GBE1: variants seen among roughly 807,000 people sequenced by gnomAD.
GBE1 encodes the protein 1,4-alpha-glucan branching enzyme 1.
Under a neutral mutation model 88.8 loss-of-function variants are expected in GBE1, and 70 were observed. The ratio of observed to expected loss-of-function variants is 0.79; its 90% confidence interval spans 0.65 to 0.96. The LOEUF (loss-of-function observed/expected upper bound fraction) is 0.96. GBE1 is among the 40% of genes least tolerant of loss of function. GBE1 has a pLI of 0.00. For synonymous variants in GBE1, 284 were observed against 300.1 expected (o/e 0.95, Z 0.56); for missense variants, 872 against 871.0 (o/e 1.00, Z -0.01).
intron 2 of GBE1, among the ~76,000 whole-genome samples, chr3:81,700,265 T>A (rs1178066649): frequency 6.6e-6 from 1 of 152,140 alleles, no homozygotes; most frequent in Non-Finnish European, 1.5e-5. Context: ...AAGAAGCTGG[T>A]ATCAGAATTA....
chr3:81,562,619 C>T (rs1235491796), intron 12 of GBE1, among the ~76,000 whole-genome samples: 3 of 151,942 alleles, frequency 2.0e-5, no homozygotes, highest in Non-Finnish European at 2.9e-5. Context: ...CAGTGCACTG[C>T]CTTGCTCTGA....
chr3:81,581,173 G>A lies in GBE1; in HGVS notation c.1438C>T (p.His480Tyr). 6.3e-7 allele frequency: 1 copy of A among 1,594,744 alleles called. No individual in the cohort carries two copies. The highest frequency in any genetic ancestry group is 1.1e-5 in the South Asian group (1 of 89,380). ...TGCACATATTCATTTACCTGATCAT[G>A]GCTCTCTGCATAAGCAATGCACTTT... ...LEKCIAYAES[H>Y]DQALVGDKSL... is the part of the protein sequence containing the mutation. Residue 480 changes from histidine to tyrosine, a missense_variant, in exon 11 of 16, where the codon CAT becomes TAT. Transcript: ENST00000429644.
chr3:81,615,610 C>G (rs1462838621), intron 7 of GBE1, among the ~76,000 whole-genome samples: 1 of 152,188 alleles, frequency 6.6e-6, no homozygotes, highest in Non-Finnish European at 1.5e-5. Flanking sequence ...TGTGTATTAA[C>G]AGATTACTCA....
rs201515305 is a variant in GBE1, at chr3:81,499,167, G to A, written c.1995C>T (p.His665=). 8.5e-5 allele frequency: 137 copies of A among 1,612,136 alleles called. No individual in the cohort carries two copies. Among genetic ancestry groups the A allele is most frequent in the Non-Finnish European group, 4.0e-5 (47 of 1,179,050 alleles). Residue 665 remains histidine (H), a synonymous_variant, in exon 15 of 16, where the codon CAC becomes CAT. Coordinates refer to ENST00000429644, the MANE Select transcript of GBE1 (RefSeq NM_000158.4). ...AEYGGHQRLD[H]STDFFSEAFE... is the part of the protein sequence containing the mutation. Reference sequence around the variant, plus strand: ...AAGCCTCAGAAAAAAAGTCAGTGCTGTGGTCCAGTCTCTGATGCCCTCCAT... The same window carrying A: ...AAGCCTCAGAAAAAAAGTCAGTGCTATGGTCCAGTCTCTGATGCCCTCCAT...
intron 1 of GBE1, among the ~76,000 whole-genome samples, chr3:81,737,736 TG>T (rs931770906): frequency 2.4e-5 from 2 of 84,154 alleles, no homozygotes; most frequent in Non-Finnish European, 4.3e-5. Flanking sequence ...TAAAAATGTG[TG>T]TTTTTTATTT....
At chr3:81,653,301 A>G (rs1037878625) in intron 3 of GBE1, among the ~76,000 whole-genome samples, 3 of 152,116 alleles carry the variant, frequency 2.0e-5, no homozygotes, top group Non-Finnish European at 4.4e-5. Context: ...TGGTCTCTAC[A>G]AAAGATTAAT....
intron 15 of GBE1, among the ~76,000 whole-genome samples, chr3:81,493,026 G>A (rs1378616832): frequency 6.6e-6 from 1 of 152,026 alleles, no homozygotes. Flanking sequence ...GTGAACCACC[G>A]CAGCTAGTCA....
chr3:81,651,395 G>C (rs1039446012), intron 3 of GBE1, among the ~76,000 whole-genome samples: 4 of 152,172 alleles, frequency 2.6e-5, no homozygotes, highest in Non-Finnish European at 4.4e-5. Flanking sequence ...TTATGACGGA[G>C]AGGCCAAGTA....
intron 7 of GBE1, among the ~76,000 whole-genome samples, chr3:81,619,535 T>G (rs1408590933): frequency 6.6e-6 from 1 of 152,172 alleles, no homozygotes; most frequent in African/African-American, 2.4e-5. Flanking sequence ...AATTGTTTAT[T>G]GATTCCATTA....
At chr3:81,585,513 A>G (rs941013879) in intron 10 of GBE1, among the ~76,000 whole-genome samples, 2 of 152,200 alleles carry the variant, frequency 1.3e-5, no homozygotes, top group Admixed American at 1.3e-4. Context: ...ATTAAATGAA[A>G]AAAAAACAAA....
At chr3:81,571,202 T>C (rs529805021) in intron 12 of GBE1, among the ~76,000 whole-genome samples, 5 of 152,330 alleles carry the variant, frequency 3.3e-5, no homozygotes, top group African/African-American at 9.6e-5. Context: ...TATACCTTTT[T>C]ACTTATTTCC....
chr3:81,535,909 C>T (rs1345469717), intron 13 of GBE1, among the ~76,000 whole-genome samples: 1 of 151,886 alleles, frequency 6.6e-6, no homozygotes, highest in East Asian at 1.9e-4. Flanking sequence ...TTCTTTTCTT[C>T]ATCATCATGT....
intron 12 of GBE1, among the ~76,000 whole-genome samples, chr3:81,563,619 A>C (rs1351381642): frequency 2.0e-5 from 3 of 152,080 alleles, no homozygotes; most frequent in Non-Finnish European, 4.4e-5. Flanking sequence ...AAGGTGACCT[A>C]TCCAGTTCCC....
chr3:81,528,014 G>A (rs1385222914), intron 14 of GBE1, among the ~76,000 whole-genome samples: 2 of 151,982 alleles, frequency 1.3e-5, no homozygotes, highest in African/African-American at 2.4e-5. Flanking sequence ...TGACACATAA[G>A]CACCATGGAA....
chr3:81,687,748 A>G lies in GBE1; in HGVS notation c.314-16795T>C, dbSNP rs935257782. ...TTAGACTTTACAGATTTACAAGGTG[A>G]GCACGGTGGAAGCTCAAGGTTCAAA... On this transcript the variant is annotated intron_variant, in intron 2 of 15. Transcript: ENST00000429644. Among the ~76,000 whole-genome samples, 6 of 152,346 alleles carry G rather than the reference A, an allele frequency of 3.9e-5. No homozygotes were observed. In the East Asian group the frequency reaches 1.2e-3, roughly 29 times the overall value.
intron 1 of GBE1, among the ~76,000 whole-genome samples, chr3:81,746,208 AGAAGT>A (rs1706418286): frequency 6.6e-6 from 1 of 152,198 alleles, no homozygotes. Context: ...TTCATAATGT[AGAAGT>A]GAAGACTGAT....
intron 1 of GBE1, among the ~76,000 whole-genome samples, chr3:81,748,735 C>A (rs753913495): frequency 1.3e-5 from 2 of 150,226 alleles, no homozygotes; most frequent in East Asian, 1.9e-4. Context: ...GGAGGCCGGG[C>A]GCAGTGGCTC....
chr3:81,493,731 T>C (rs1467252472), intron 15 of GBE1, among the ~76,000 whole-genome samples: 1 of 151,934 alleles, frequency 6.6e-6, no homozygotes, highest in East Asian at 1.9e-4. Flanking sequence ...ACACGGGGTT[T>C]CTCCATGTTG....
intron 2 of GBE1, among the ~76,000 whole-genome samples, chr3:81,678,111 C>A (rs916356816): frequency 6.6e-6 from 1 of 152,040 alleles, no homozygotes; most frequent in Non-Finnish European, 1.5e-5. Context: ...ATACTTATGC[C>A]GGCCTACATG....
Sources: allele counts gnomAD v4.1 joint callset (sites outside exome capture counted in the v4.1 genomes callset), GRCh38; gene constraint gnomAD v4.1.1; transcripts MANE v1.5; gene names NCBI Gene and HGNC (gene_info 2026-07-23, HGNC 2026-07-21).